CTNNA2: variants seen among roughly 807,000 people sequenced by gnomAD.
CTNNA2 encodes catenin alpha 2.
Under a neutral mutation model 101.0 loss-of-function variants are expected in CTNNA2, and 42 were observed. The observed-to-expected ratio is 0.42, with a 90% CI of 0.32 to 0.54. CTNNA2 has a LOEUF of 0.54. CTNNA2 is among the 20% of genes least tolerant of loss of function. The probability of loss-of-function intolerance (pLI) is 0.14; values close to 1 mark genes in which losing one functional copy is unlikely to be tolerated. For missense variants in CTNNA2, 871 were observed against 1,223.1 expected, an observed-to-expected ratio of 0.71 and a Z score of 4.29; for synonymous variants, 450 against 456.4, an observed-to-expected ratio of 0.99 and a Z score of 0.18.
chr2:79,206,579 TTCA>T (rs1185853247), intron 2 of CTNNA2, among the ~76,000 whole-genome samples: 1 of 152,218 alleles, frequency 6.6e-6, no homozygotes, highest in Non-Finnish European at 1.5e-5. Context: ...TATTCATTTA[TTCA>T]TCTTCTTTGT....
intron 1 of CTNNA2, 106 bp from the exon 2 acceptor site, chr2:79,651,446 T>G: frequency 1.9e-6 from 2 of 1,048,098 alleles, no homozygotes; most frequent in Non-Finnish European, 1.4e-6. Context: ...AGAGAGGCTA[T>G]CTTCCAGTAT....
At chr2:79,600,008 G>A (rs1318983878) in intron 1 of CTNNA2, among the ~76,000 whole-genome samples, 1 of 152,128 alleles carries the variant, frequency 6.6e-6, no homozygotes, top group Non-Finnish European at 1.5e-5. Context: ...CATATCTGAA[G>A]AGTCATTTTG....
chr2:79,355,203 C>T (rs1165613196), intron 3 of CTNNA2, among the ~76,000 whole-genome samples: 2 of 152,188 alleles, frequency 1.3e-5, no homozygotes, highest in African/African-American at 4.8e-5. Context: ...GTTGGTTTGG[C>T]TATTTGGGCT....
Position 80,165,111 on chromosome 2 carries a change from T to G in CTNNA2, c.1057-228100T>G, listed in dbSNP as rs2148952362. ...GACACATTTTTGAAGTTTTTAGTTC[T>G]TATTCCTTTGACTACTTTTCCAGCC... On this transcript the variant is annotated intron_variant, in intron 7 of 18. Transcript: ENST00000402739. 1.3e-5 allele frequency among the ~76,000 whole-genome samples: 2 copies of G among 152,126 alleles called. 1 individual carries two copies. The highest frequency in any genetic ancestry group is 4.1e-4 in the South Asian group (2 of 4,826).
intron 7 of CTNNA2, among the ~76,000 whole-genome samples, chr2:80,116,330 G>A (rs915559002): frequency 6.7e-6 from 1 of 148,164 alleles, no homozygotes; most frequent in Non-Finnish European, 1.5e-5. Flanking sequence ...AGGGTTGGGT[G>A]TAGGGGACTC....
Position 80,079,676 on chromosome 2 carries a change from T to C in CTNNA2, c.1056+169879T>C, listed in dbSNP as rs188524124. 8.1e-3 allele frequency among the ~76,000 whole-genome samples: 1,222 copies of C among 151,574 alleles called. 11 individuals carry two copies. The highest frequency in any genetic ancestry group is 0.027 in the African/African-American group (1,105 of 41,304). ...AAAATACAAAAAAATTAGCCGGGCG[T>C]GGTGGCGGGCGCCTGTAGTCACAGC... On this transcript the variant is annotated intron_variant, in intron 7 of 18. Coordinates refer to ENST00000402739, the MANE Select transcript of CTNNA2 (RefSeq NM_001282597.3).
At chr2:80,030,867 G>C (rs952595265) in intron 7 of CTNNA2, among the ~76,000 whole-genome samples, 2 of 151,688 alleles carry the variant, frequency 1.3e-5, no homozygotes, top group Admixed American at 6.6e-5. Context: ...AAATATAAAT[G>C]GTCAATAGAC....
intron 18 of CTNNA2, among the ~76,000 whole-genome samples, chr2:80,637,370 T>A (rs1672988144): frequency 6.6e-6 from 1 of 151,610 alleles, no homozygotes; most frequent in Non-Finnish European, 1.5e-5. Context: ...GATCGTGTAG[T>A]TAGTGATCCA....
chr2:79,781,722 T>A (rs1355490359), intron 3 of CTNNA2, among the ~76,000 whole-genome samples: 2 of 152,200 alleles, frequency 1.3e-5, no homozygotes, highest in Non-Finnish European at 2.9e-5. Flanking sequence ...ATTTAAGGAA[T>A]CTCTGGGGCA....
At chr2:80,117,870 G>T (rs991495243) in intron 7 of CTNNA2, among the ~76,000 whole-genome samples, 4 of 152,310 alleles carry the variant, frequency 2.6e-5, no homozygotes, top group Admixed American at 1.3e-4. Context: ...ACCCTGGAAA[G>T]AAGACTGATT....
At chr2:79,806,596 A>G (rs1047542070) in intron 3 of CTNNA2, among the ~76,000 whole-genome samples, 1 of 151,978 alleles carries the variant, frequency 6.6e-6, no homozygotes, top group African/African-American at 2.4e-5. Flanking sequence ...AGAGGGTACC[A>G]TGTGCACACT....
rs564109570 is a variant in CTNNA2 at position 79,923,392 on chromosome 2, C to A, written c.1056+13595C>A. The stretch of plus-strand genomic sequence containing the variant: ...TTTGTTTTTTTCTGAAAATAAACAC[C>A]TAGTTGCTTGCAATTTTGAGTAGGA... On this transcript the variant is annotated intron_variant, in intron 7 of 18. Coordinates refer to ENST00000402739, the MANE Select transcript of CTNNA2 (RefSeq NM_001282597.3). Among the ~76,000 whole-genome samples, 216 of 152,040 alleles carry A rather than the reference C, an allele frequency of 1.4e-3. 1 individual carries two copies. Among genetic ancestry groups the A allele is most frequent in the African/African-American group, 5.2e-3 (214 of 41,440 alleles).
intron 18 of CTNNA2, among the ~76,000 whole-genome samples, chr2:80,634,053 G>A (rs1381678684): frequency 6.6e-6 from 1 of 152,130 alleles, no homozygotes; most frequent in Non-Finnish European, 1.5e-5. Flanking sequence ...CTAGCTTTGT[G>A]TCTTTGGACA....
chr2:80,639,513 A>G (rs1423185464), intron 18 of CTNNA2, among the ~76,000 whole-genome samples: 1 of 147,408 alleles, frequency 6.8e-6, no homozygotes, highest in East Asian at 2.0e-4. Context: ...CCCAGCCTTG[A>G]TGTGTGTGTG....
intron 3 of CTNNA2, among the ~76,000 whole-genome samples, chr2:79,763,586 G>T (rs1672945934): frequency 6.6e-6 from 1 of 152,026 alleles, no homozygotes; most frequent in South Asian, 2.1e-4. Context: ...ATTTCTTATA[G>T]TTTTTCAACA....
chr2:80,182,980 G>A lies in CTNNA2; in HGVS notation c.1057-210231G>A, dbSNP rs148130271. On this transcript the variant is annotated intron_variant, in intron 7 of 18. Transcript: ENST00000402739. Reference sequence around the variant, plus strand: ...AAAACCAGTTATTCAAAGGGAGAAGGAGCATGATCACTTCGGTTAGGACAG... The same window carrying A: ...AAAACCAGTTATTCAAAGGGAGAAGAAGCATGATCACTTCGGTTAGGACAG... 1.5e-3 allele frequency among the ~76,000 whole-genome samples: 235 copies of A among 152,322 alleles called. 1 individual carries two copies. Among genetic ancestry groups the A allele is most frequent in the African/African-American group, 5.3e-3 (220 of 41,568 alleles).
At chr2:79,866,796 A>G (rs1401920658) in intron 4 of CTNNA2, among the ~76,000 whole-genome samples, 1 of 152,150 alleles carries the variant, frequency 6.6e-6, no homozygotes, top group African/African-American at 2.4e-5. Context: ...TGATTTTGCT[A>G]ATATGTATGA....
intron 18 of CTNNA2, among the ~76,000 whole-genome samples, chr2:80,623,331 C>A (rs1671339001): frequency 6.6e-6 from 1 of 151,748 alleles, no homozygotes; most frequent in Admixed American, 6.6e-5. Context: ...CATATTGTGA[C>A]CATTTTTGTA....
At chr2:79,269,180 G>A (rs1675029056) in intron 2 of CTNNA2, among the ~76,000 whole-genome samples, 1 of 152,122 alleles carries the variant, frequency 6.6e-6, no homozygotes, top group Admixed American at 6.6e-5. Context: ...GATACTCCCA[G>A]GGGGAGATCA....
Sources: gnomAD v4.1 joint callset for allele counts (sites outside exome capture counted in the v4.1 genomes callset) on GRCh38, gnomAD v4.1.1 for gene constraint, MANE v1.5 for transcripts, NCBI Gene and HGNC (gene_info 2026-07-23, HGNC 2026-07-21) for gene names.